Variants in DPP10 observed in about 807,000 individuals in gnomAD.
DPP10 encodes dipeptidyl peptidase like 10.
Under a neutral mutation model 120.9 loss-of-function variants are expected in DPP10, and 33 were observed. That is an observed-to-expected ratio of 0.27 (90% CI 0.21 to 0.37). DPP10 has a LOEUF of 0.37. Ranked by LOEUF, DPP10 falls within the 10% of genes least tolerant of loss-of-function variation. DPP10 has a pLI of 1.00. For synonymous variants in DPP10, 337 were observed against 326.1 expected (o/e 1.03, Z -0.36); for missense variants, 816 against 942.8 (o/e 0.87, Z 1.76).
At chr2:114,855,273 A>T (rs1345537107) in intron 1 of DPP10, among the ~76,000 whole-genome samples, 1 of 152,188 alleles carries the variant, frequency 6.6e-6, no homozygotes, top group Admixed American at 6.5e-5. Context: ...ACATTTTAGA[A>T]ATCTCTTTCA....
chr2:114,792,813 C>A (rs554118170), intron 1 of DPP10, among the ~76,000 whole-genome samples: 2 of 152,078 alleles, frequency 1.3e-5, no homozygotes, highest in Non-Finnish European at 2.9e-5. Flanking sequence ...GTGTCATATG[C>A]GATCCCACTG....
intron 1 of DPP10, among the ~76,000 whole-genome samples, chr2:114,936,152 TC>T (rs1297621222): frequency 6.6e-6 from 1 of 152,010 alleles, no homozygotes; most frequent in African/African-American, 2.4e-5. Flanking sequence ...TCCCACCCTT[TC>T]CCCAAGTCCC....
chr2:115,448,036 A>T (rs2072770284), intron 3 of DPP10, among the ~76,000 whole-genome samples: 1 of 152,346 alleles, frequency 6.6e-6, no homozygotes, highest in African/African-American at 2.4e-5. Context: ...TTGGATAGAC[A>T]TAACATTGTT....
chr2:114,731,864 C>A (rs1454080598), intron 1 of DPP10, among the ~76,000 whole-genome samples: 1 of 152,124 alleles, frequency 6.6e-6, no homozygotes, highest in Non-Finnish European at 1.5e-5. Context: ...CACATGCATT[C>A]ATGTTATAAC....
At chr2:114,631,251 C>T (rs1445462019) in intron 1 of DPP10, among the ~76,000 whole-genome samples, 1 of 151,958 alleles carries the variant, frequency 6.6e-6, no homozygotes, top group Non-Finnish European at 1.5e-5. Context: ...TTTGCCAGCT[C>T]GCAAGTAAGA....
rs188698824 is a variant in DPP10 at position 115,140,168 on chromosome 2, A to G, written c.61-169071A>G. 7.6e-4 allele frequency among the ~76,000 whole-genome samples: 116 copies of G among 152,356 alleles called. 4 individuals carry two copies. The highest frequency in any genetic ancestry group is 2.6e-3 in the African/African-American group (110 of 41,590). The stretch of plus-strand genomic sequence containing the variant: ...AACAAAACAGGGTAGGGAGGATAGA[A>G]AATACAAGGATGCTATTTTAGAGAA... On this transcript the variant is annotated intron_variant, in intron 1 of 25. Coordinates refer to ENST00000410059, the MANE Select transcript of DPP10 (RefSeq NM_020868.6).
chr2:115,430,363 A>G (rs912723935), intron 3 of DPP10, among the ~76,000 whole-genome samples: 2 of 152,328 alleles, frequency 1.3e-5, no homozygotes, highest in Non-Finnish European at 2.9e-5. Context: ...TATGAAATTA[A>G]TCTTCATAAT....
chr2:114,642,765 G>A (rs550360020), intron 1 of DPP10, among the ~76,000 whole-genome samples: 25 of 151,834 alleles, frequency 1.6e-4, no homozygotes, highest in Middle Eastern at 6.8e-3. Context: ...CTTAACAACT[G>A]CTTAACACAG....
At chr2:115,722,923 C>G (rs2092681834) in intron 7 of DPP10, among the ~76,000 whole-genome samples, 1 of 152,130 alleles carries the variant, frequency 6.6e-6, no homozygotes, top group Admixed American at 6.5e-5. Context: ...TATGCAGAAC[C>G]TGTAAACACA....
chr2:114,535,302 T>A (rs1321732024), intron 1 of DPP10, among the ~76,000 whole-genome samples: 1 of 152,194 alleles, frequency 6.6e-6, no homozygotes, highest in Non-Finnish European at 1.5e-5. Flanking sequence ...ACTTTTGGCA[T>A]CATTTAGATA....
At chr2:114,599,202 A>G (rs1170132500) in intron 1 of DPP10, among the ~76,000 whole-genome samples, 1 of 151,904 alleles carries the variant, frequency 6.6e-6, no homozygotes, top group East Asian at 1.9e-4. Flanking sequence ...AGATAATCTA[A>G]AGAAGAGAAT....
intron 7 of DPP10, among the ~76,000 whole-genome samples, chr2:115,720,316 G>T (rs1380177713): frequency 6.6e-6 from 1 of 152,066 alleles, no homozygotes; most frequent in African/African-American, 2.4e-5. Context: ...ATCAAAATAA[G>T]CACTTTTCAT....
intron 5 of DPP10, among the ~76,000 whole-genome samples, chr2:115,600,225 A>C (rs575679268): frequency 7.3e-4 from 111 of 152,050 alleles, no homozygotes; most frequent in African/African-American, 2.6e-3. Context: ...TCATCCTCCA[A>C]AGCCCTCAGC....
intron 2 of DPP10, among the ~76,000 whole-genome samples, chr2:115,318,331 C>T (rs1028073770): frequency 2.0e-5 from 3 of 151,964 alleles, no homozygotes; most frequent in East Asian, 1.9e-4. Flanking sequence ...GATTACTGCA[C>T]CTTTGTGGAA....
At chr2:115,554,460 A>C (rs182221196) in intron 5 of DPP10, among the ~76,000 whole-genome samples, 1 of 152,034 alleles carries the variant, frequency 6.6e-6, no homozygotes, top group Non-Finnish European at 1.5e-5. Context: ...CACTTTGACC[A>C]CCTACTGATT....
At chr2:114,743,139 C>T (rs2105996663) in intron 1 of DPP10, among the ~76,000 whole-genome samples, 1 of 152,272 alleles carries the variant, frequency 6.6e-6, no homozygotes. Context: ...AGCAATATTC[C>T]TGTGACTGTG....
intron 1 of DPP10, among the ~76,000 whole-genome samples, chr2:114,720,858 T>C (rs1701660762): frequency 6.6e-6 from 1 of 152,190 alleles, no homozygotes; most frequent in Non-Finnish European, 1.5e-5. Flanking sequence ...GGCAACCCAT[T>C]CACATTCTCC....
At position 115,215,077 on chromosome 2, in the gene DPP10, G is replaced by A. The variant is rs374934786; in HGVS notation, c.61-94162G>A. Among the ~76,000 whole-genome samples the A allele has an allele frequency of 2.6e-5, 4 of 152,086 alleles. No homozygotes were observed. In the East Asian group the frequency reaches 7.7e-4, roughly 29 times the overall value. On this transcript the variant is annotated intron_variant, in intron 1 of 25. Transcript: ENST00000410059. ...AAATCTGTATTTTTACTTCATACAA[G>A]GTAATTTGCGTTGTGACATACCTAT...
At chr2:115,820,475 T>A (rs1250585500) in intron 21 of DPP10, among the ~76,000 whole-genome samples, 1 of 151,952 alleles carries the variant, frequency 6.6e-6, no homozygotes, top group African/African-American at 2.4e-5. Flanking sequence ...CTAGGTGGTG[T>A]TTACTTACAT....
Sources: allele counts gnomAD v4.1 joint callset (sites outside exome capture counted in the v4.1 genomes callset), GRCh38; gene constraint gnomAD v4.1.1; transcripts MANE v1.5; gene names NCBI Gene and HGNC (gene_info 2026-07-23, HGNC 2026-07-21).